RNF32: variants seen among roughly 807,000 people sequenced by gnomAD.
RNF32 encodes ring finger protein 32.
Under a neutral mutation model 41.0 loss-of-function variants are expected in RNF32, and 36 were observed. The ratio of observed to expected loss-of-function variants is 0.88; its 90% CI spans 0.67 to 1.16. The LOEUF (loss-of-function observed/expected upper bound fraction) is 1.16. RNF32 is among the 50% of genes most tolerant of loss of function. The pLI is 0.00. For synonymous variants in RNF32, 154 were observed against 160.9 expected (o/e 0.96, Z 0.32); for missense variants, 413 against 436.7 (o/e 0.95, Z 0.48).
intron 1 of RNF32, among the ~76,000 whole-genome samples, chr7:156,641,207 C>T (rs958867990): frequency 3.3e-5 from 5 of 152,164 alleles, no homozygotes; most frequent in African/African-American, 9.7e-5. Context: ...CCTCAGAAAA[C>T]GGTCAGCGGG....
chr7:156,650,936 C>T (rs1046311262), intron 3 of RNF32, among the ~76,000 whole-genome samples: 5 of 152,216 alleles, frequency 3.3e-5, no homozygotes, highest in Non-Finnish European at 7.3e-5. Flanking sequence ...TGCTGTTACT[C>T]TTAACCCTGC....
At chr7:156,651,551 T>C (rs1650004632) in intron 3 of RNF32, among the ~76,000 whole-genome samples, 2 of 152,336 alleles carry the variant, frequency 1.3e-5, no homozygotes, top group Non-Finnish European at 2.9e-5. Flanking sequence ...TCTACGCTGC[T>C]GTTTTGTTAA....
intron 7 of RNF32, among the ~76,000 whole-genome samples, chr7:156,664,098 C>G (rs116012298): frequency 1.1e-3 from 168 of 152,360 alleles, no homozygotes; most frequent in African/African-American, 3.8e-3. Context: ...ATCTCAGATT[C>G]TGCTCCAGTG....
chr7:156,664,309 A>C (rs185014804), intron 7 of RNF32, among the ~76,000 whole-genome samples: 1 of 151,728 alleles, frequency 6.6e-6, no homozygotes, highest in Non-Finnish European at 1.5e-5. Context: ...TAAAAATACA[A>C]TATTAGCCGG....
chr7:156,676,888 T>A lies in RNF32; in HGVS notation c.*233T>A. 6.2e-6 allele frequency: 3 copies of A among 482,308 alleles called. No individual in the cohort carries two copies. The highest frequency in any genetic ancestry group is 1.9e-5 in the African/African-American group (1 of 52,020). 29.9% of individuals were successfully genotyped at this position (482,308 alleles called of 1,614,324 possible). A position where few individuals can be genotyped will look rare whatever the true frequency, so the allele number is the denominator to read the frequency against. ...TTTATGAGTTTAATCACTTCAAATATGAATAGCAAAAAATGAGAGCTTGCT... is the reference window on the plus strand; with the variant it reads ...TTTATGAGTTTAATCACTTCAAATAAGAATAGCAAAAAATGAGAGCTTGCT... On this transcript the variant is annotated 3_prime_UTR_variant, in exon 9 of 9. Transcript: ENST00000317955.
chr7:156,657,180 C>G (rs1377058274), intron 4 of RNF32, among the ~76,000 whole-genome samples: 1 of 152,202 alleles, frequency 6.6e-6, no homozygotes, highest in Non-Finnish European at 1.5e-5. Context: ...ATTTACTTAG[C>G]GTTTCCCTGG....
intron 7 of RNF32, chr7:156,659,274 T>C (rs1035968581): frequency 9.8e-7 from 1 of 1,018,904 alleles, no homozygotes. Context: ...CAGCACACAG[T>C]AGGTGCTGGA....
At chr7:156,647,957 T>C (rs904148171) in intron 3 of RNF32, among the ~76,000 whole-genome samples, 16 of 152,216 alleles carry the variant, frequency 1.1e-4, no homozygotes, top group African/African-American at 3.9e-4. Flanking sequence ...TTCATGTTTG[T>C]TGGCCATCTG....
At chr7:156,650,964 C>T (rs1304636867) in intron 3 of RNF32, among the ~76,000 whole-genome samples, 2 of 152,210 alleles carry the variant, frequency 1.3e-5, no homozygotes, top group African/African-American at 4.8e-5. Context: ...CATTTAATGC[C>T]ACTTTGGTCA....
At chr7:156,654,838 T>C (rs963952425) in intron 4 of RNF32, 120 bp downstream of exon 4, 1 of 839,644 alleles carries the variant, frequency 1.2e-6, no homozygotes, top group Non-Finnish European at 1.9e-6. Flanking sequence ...TGTGTGAGCC[T>C]CACACACTTC....
intron 7 of RNF32, among the ~76,000 whole-genome samples, chr7:156,664,999 A>G (rs2131573567): frequency 6.6e-6 from 1 of 152,362 alleles, no homozygotes; most frequent in Non-Finnish European, 1.5e-5. Flanking sequence ...TTAAGCTTCT[A>G]GAAATCAGAT....
Position 156,658,449 on chromosome 7 carries a change from ATC to A in RNF32, c.576-11_576-10del, listed in dbSNP as rs1415645125. 4 of 1,598,182 alleles carry A rather than the reference ATC, an allele frequency of 2.5e-6. No individual in the cohort carries two copies. In the African/African-American group the frequency reaches 5.4e-5, roughly 21 times the overall value. On this transcript the variant is annotated splice_polypyrimidine_tract_variant and intron_variant, in intron 6 of 8. Coordinates refer to ENST00000317955, the MANE Select transcript of RNF32 (RefSeq NM_030936.4). ...CATCATAAATTAGTCATTTTCAAAT[ATC>A]TGTGTTTTAGAATCCAAGCCTACTG...
intron 7 of RNF32, among the ~76,000 whole-genome samples, chr7:156,671,520 T>C (rs7790357): frequency 0.19 from 28,923 of 152,222 alleles, 2,907 homozygotes; most frequent in South Asian, 0.3. Context: ...TATATCATTA[T>C]AAAAACTGAC....
At chr7:156,654,804 T>C (rs1799352053) in intron 4 of RNF32, 86 bp downstream of exon 4, 4 of 1,310,502 alleles carry the variant, frequency 3.1e-6, no homozygotes, top group Non-Finnish European at 4.3e-6. Flanking sequence ...GATTCCAAGC[T>C]TCCTTTTTCC....
chr7:156,669,375 A>T lies in RNF32; in HGVS notation c.685-6321A>T, dbSNP rs1296042240. Reference sequence around the variant, plus strand: ...AAATGCAAAGAGAGGAAGGGGAGAGAGAGTGAAGTGAGGGGTGAGATGTTT... The same window carrying T: ...AAATGCAAAGAGAGGAAGGGGAGAGTGAGTGAAGTGAGGGGTGAGATGTTT... On this transcript the variant is annotated intron_variant, in intron 7 of 8. Coordinates refer to ENST00000317955, the MANE Select transcript of RNF32 (RefSeq NM_030936.4). The surrounding 1 kb of genome is among the most constrained non-coding windows in gnomAD (Gnocchi z 4.2). 2 of 152,188 alleles carry T rather than the reference A, an allele frequency of 1.3e-5. No homozygotes were observed. The highest frequency in any genetic ancestry group is 2.9e-5 in the Non-Finnish European group (2 of 68,058). 9.4% of individuals were successfully genotyped at this position (152,188 alleles called of 1,614,324 possible). A position where few individuals can be genotyped will look rare whatever the true frequency, so the allele number is the denominator to read the frequency against.
intron 2 of RNF32, 100 bp downstream of exon 2, chr7:156,643,992 T>G (rs988710081): frequency 9.6e-7 from 1 of 1,040,028 alleles, no homozygotes; most frequent in Non-Finnish European, 1.5e-6. Flanking sequence ...AAACCCTGCT[T>G]GAACTAGGAA....
intron 1 of RNF32, 111 bp from the exon 2 acceptor site, chr7:156,643,690 A>G (rs1797655365): frequency 1.6e-6 from 1 of 623,362 alleles, no homozygotes; most frequent in African/African-American, 1.8e-5. Context: ...ACCCTGTAGC[A>G]GGCATTCCTG....
chr7:156,676,209 T>C, intron 8 of RNF32: 1 of 1,475,454 alleles, frequency 6.8e-7, no homozygotes, highest in East Asian at 2.5e-5. Flanking sequence ...ACTAACCCTT[T>C]CCACAGTTCC....
chr7:156,674,624 TTGATGGC>T (rs1803385952), intron 7 of RNF32, among the ~76,000 whole-genome samples: 2 of 152,106 alleles, frequency 1.3e-5, no homozygotes, highest in Non-Finnish European at 2.9e-5. Context: ...TGAGTGAGCA[TTGATGGC>T]CCCAAGCACT....
Sources: allele counts gnomAD v4.1 joint callset (sites outside exome capture counted in the v4.1 genomes callset), GRCh38; gene constraint gnomAD v4.1.1; non-coding constraint Gnocchi (gnomAD v3.1); transcripts MANE v1.5; gene names NCBI Gene and HGNC (gene_info 2026-07-23, HGNC 2026-07-21).